The following SLC37A1 variants were observed in gnomAD, a reference collection of about 807,000 sequenced individuals.
SLC37A1 encodes glucose-6-phosphate exchanger SLC37A1.
Under a neutral mutation model 75.3 loss-of-function variants are expected in SLC37A1, and 49 were observed. The observed-to-expected ratio is 0.65, with a 90% CI of 0.52 to 0.83. SLC37A1 has a LOEUF of 0.83. Ranked by LOEUF, SLC37A1 falls within the 40% of genes least tolerant of loss-of-function variation. The pLI is 0.00. For missense variants in SLC37A1, 566 were observed against 695.0 expected (o/e 0.81, Z 2.09); for synonymous variants, 268 against 292.1 (o/e 0.92, Z 0.84).
intron 3 of SLC37A1, among the ~76,000 whole-genome samples, chr21:42,531,358 G>A (rs2054974675): frequency 6.9e-6 from 1 of 145,690 alleles, no homozygotes; most frequent in Admixed American, 7.2e-5. Context: ...TGTTCTGTGT[G>A]TTGCATGGAC....
chr21:42,545,725 C>T lies in SLC37A1; in HGVS notation c.731-1378C>T, dbSNP rs1202279610. ...GGGGCATCACACTGTGAGTGGATAC[C>T]GATGGGGTGAGTTGGCTGATGTCCT... On this transcript the variant is annotated intron_variant, in intron 8 of 19. Coordinates refer to ENST00000352133, the MANE Select transcript of SLC37A1 (RefSeq NM_001320537.2). This position sits in a 1 kb window ranked among gnomAD's most constrained non-coding sequence, Gnocchi z 4.0. Among the ~76,000 whole-genome samples the T allele has an allele frequency of 6.6e-6, 1 of 152,210 alleles. No individual in the cohort carries two copies. Among genetic ancestry groups the T allele is most frequent in the African/African-American group, 2.4e-5 (1 of 41,442 alleles).
chr21:42,557,050 G>A (rs536008050), intron 10 of SLC37A1, among the ~76,000 whole-genome samples: 4 of 152,340 alleles, frequency 2.6e-5, no homozygotes, highest in South Asian at 2.1e-4. Context: ...GGCCGTGGGC[G>A]GCCTTTGGGC....
At chr21:42,570,834 C>T (rs528154559) in intron 17 of SLC37A1, among the ~76,000 whole-genome samples, 3 of 152,334 alleles carry the variant, frequency 2.0e-5, no homozygotes, top group African/African-American at 7.2e-5. Flanking sequence ...CCCACCACTG[C>T]CCCCAAGCAG....
chr21:42,567,438 G>A (rs1457590337), intron 16 of SLC37A1, among the ~76,000 whole-genome samples: 1 of 152,176 alleles, frequency 6.6e-6, no homozygotes, highest in Non-Finnish European at 1.5e-5. Context: ...GCCCTGCCTT[G>A]GTCACCTTTG....
At chr21:42,553,995 G>A in intron 9 of SLC37A1, 67 bp from the exon 10 acceptor site, 1 of 1,366,532 alleles carries the variant, frequency 7.3e-7, no homozygotes, top group Non-Finnish European at 1.0e-6. Context: ...CCTTGCTACA[G>A]TAAAGCCAGG....
chr21:42,512,163 A>C (rs2054441380), upstream of SLC37A1, among the ~76,000 whole-genome samples: 1 of 138,766 alleles, frequency 7.2e-6, no homozygotes, highest in Non-Finnish European at 1.5e-5. Context: ...TCAAAACATC[A>C]CATCCTATAC....
chr21:42,549,274 G>T (rs2055498382), intron 9 of SLC37A1, among the ~76,000 whole-genome samples: 1 of 152,202 alleles, frequency 6.6e-6, no homozygotes, highest in Non-Finnish European at 1.5e-5. Context: ...CGTGCAGGGG[G>T]TTTTGGGGAG....
At chr21:42,571,918 C>T (rs945569778) in intron 17 of SLC37A1, among the ~76,000 whole-genome samples, 5 of 152,164 alleles carry the variant, frequency 3.3e-5, no homozygotes, top group South Asian at 2.1e-4. Context: ...GCCCACTGCG[C>T]GGCTTGGCCC....
In SLC37A1 at chr21:42,547,242, G is replaced by T. The variant is rs1157545717; in HGVS notation, c.768+102G>T. On this transcript the variant is annotated intron_variant, in intron 9 of 19. Coordinates refer to ENST00000352133, the MANE Select transcript of SLC37A1 (RefSeq NM_001320537.2). The surrounding 1 kb of genome is among the most constrained non-coding windows in gnomAD (Gnocchi z 6.1). ...GCGGTGTCAGACAGAAACACACAGG[G>T]TAGACAGAAGTCCCACCCTCAAAAC... is the stretch of plus-strand genomic sequence containing the variant. 1.6e-6 allele frequency: 2 copies of T among 1,253,450 alleles called. No individual in the cohort carries two copies. The highest frequency in any genetic ancestry group is 2.3e-6 in the Non-Finnish European group (2 of 859,624). The allele number at this position is 1,253,450 out of a possible 1,614,324, so 77.6% of individuals were successfully genotyped here.
intron 15 of SLC37A1, 116 bp downstream of exon 15, chr21:42,565,991 G>C (rs2055967383): frequency 1.9e-6 from 2 of 1,043,694 alleles, no homozygotes; most frequent in Non-Finnish European, 2.8e-6. Context: ...TGGAGCACAT[G>C]GTGTGGCTAA....
intron 16 of SLC37A1, among the ~76,000 whole-genome samples, chr21:42,567,363 T>C (rs1175064765): frequency 1.3e-5 from 2 of 152,208 alleles, no homozygotes; most frequent in Non-Finnish European, 2.9e-5. Context: ...CCTGGACGCC[T>C]CTGCAGAGAG....
intron 2 of SLC37A1, among the ~76,000 whole-genome samples, chr21:42,505,010 T>G (rs1436927131): frequency 1.3e-5 from 2 of 152,200 alleles, no homozygotes; most frequent in Admixed American, 1.3e-4. Context: ...TCCCACTGCT[T>G]CTTCCTTAGT....
chr21:42,572,241 G>GAA (rs140446915), intron 17 of SLC37A1, among the ~76,000 whole-genome samples: 13,338 of 152,082 alleles, frequency 0.088, 793 homozygotes, highest in Non-Finnish European at 0.13. Flanking sequence ...TTTTCTCTTA[G>GAA]ATCTCCAGGT....
intron 11 of SLC37A1, chr21:42,561,435 C>G (rs2055824906): frequency 6.5e-6 from 1 of 154,966 alleles, no homozygotes; most frequent in South Asian, 2.0e-4. Flanking sequence ...GTAGTACTCA[C>G]AAGGCGGGAT....
At chr21:42,569,397 C>T (rs1230499345) in intron 17 of SLC37A1, among the ~76,000 whole-genome samples, 1 of 152,232 alleles carries the variant, frequency 6.6e-6, no homozygotes, top group Non-Finnish European at 1.5e-5. Flanking sequence ...CATGGCCTCC[C>T]TGCTGCTCCT....
intron 10 of SLC37A1, among the ~76,000 whole-genome samples, chr21:42,555,024 C>T (rs1228130268): frequency 2.2e-5 from 3 of 138,094 alleles, no homozygotes; most frequent in Non-Finnish European, 4.6e-5. Context: ...CTTACTCTGT[C>T]GCCCAGTCTG....
chr21:42,559,462 C>T (rs1346821569), intron 11 of SLC37A1, among the ~76,000 whole-genome samples: 2 of 152,370 alleles, frequency 1.3e-5, no homozygotes, highest in East Asian at 3.9e-4. Flanking sequence ...GCCCCTGTGG[C>T]CCGGCCCCTC....
upstream of SLC37A1, among the ~76,000 whole-genome samples, chr21:42,511,304 A>C (rs2054430390): frequency 1.3e-5 from 2 of 152,250 alleles, no homozygotes; most frequent in Non-Finnish European, 2.9e-5. Flanking sequence ...AATGGAAACA[A>C]CATACCAAAA....
chr21:42,568,751 C>A (rs1373423927), intron 17 of SLC37A1, among the ~76,000 whole-genome samples: 2 of 152,176 alleles, frequency 1.3e-5, no homozygotes. Context: ...TCAAGAAAGG[C>A]AGAATCTTAT....
Sources: gnomAD v4.1 joint callset for allele counts (sites outside exome capture counted in the v4.1 genomes callset) on GRCh38, gnomAD v4.1.1 for gene constraint, Gnocchi (gnomAD v3.1) non-coding constraint, MANE v1.5 for transcripts, NCBI Gene and HGNC (gene_info 2026-07-23, HGNC 2026-07-21) for gene names.